The following MAGI2 variants were observed in gnomAD, a reference collection of about 807,000 sequenced individuals.
MAGI2 encodes the protein membrane-associated guanylate kinase, WW and PDZ domain-containing protein 2.
Under a neutral mutation model 133.3 loss-of-function variants are expected in MAGI2, and 35 were observed. That is an observed-to-expected ratio of 0.26 (90% CI 0.20 to 0.35). The LOEUF (loss-of-function observed/expected upper bound fraction) is 0.35, where lower values mean the gene tolerates loss of function less well. MAGI2 is among the 10% of genes least tolerant of loss of function. MAGI2 has a pLI of 1.00. For missense variants in MAGI2, 1,636 were observed against 1,863.4 expected (o/e 0.88, Z 2.25); for synonymous variants, 729 against 710.6 (o/e 1.03, Z -0.41).
At chr7:79,306,324 G>GTATATA (rs4020441) in intron 1 of MAGI2, among the ~76,000 whole-genome samples, 1 of 143,344 alleles carries the variant, frequency 7.0e-6, no homozygotes, top group South Asian at 2.2e-4. Flanking sequence ...ATATATATGT[G>GTATATA]TATATATATA....
intron 3 of MAGI2, among the ~76,000 whole-genome samples, chr7:78,612,667 AT>A (rs1219730784): frequency 1.3e-5 from 2 of 151,714 alleles, no homozygotes; most frequent in East Asian, 3.9e-4. Flanking sequence ...ATCACATTTT[AT>A]TTTTTTTAAT....
chr7:78,521,466 G>C lies in MAGI2; in HGVS notation c.718C>G (p.Pro240Ala). The C allele has an allele frequency of 6.2e-7, 1 of 1,613,900 alleles. No individual in the cohort carries two copies. The highest frequency in any genetic ancestry group is 8.5e-7 in the Non-Finnish European group (1 of 1,179,972). Reference sequence around the variant, plus strand: ...ACTACTCCATTTCCATTGACCACAGGCCTCTCTTCCTCTTCCTCCTCAGGA... The same window carrying C: ...ACTACTCCATTTCCATTGACCACAGCCCTCTCTTCCTCTTCCTCCTCAGGA... ...EPPEEEEEER[P>A]VVNGNGVVVT... Residue 240 changes from proline to alanine, a missense_variant, in exon 4 of 22, where the codon CCT becomes GCT. This residue lies in a region of MAGI2 where 165 missense variants were observed against 128.4 expected (regional missense o/e 1.28). Transcript: ENST00000354212.
At chr7:78,111,354 T>C (rs1455316038) in intron 20 of MAGI2, among the ~76,000 whole-genome samples, 1 of 152,240 alleles carries the variant, frequency 6.6e-6, no homozygotes, top group Non-Finnish European at 1.5e-5. Flanking sequence ...CTCACACTTC[T>C]AATGTATTCA....
At chr7:78,363,161 G>C (rs551197454) in intron 7 of MAGI2, among the ~76,000 whole-genome samples, 12 of 152,116 alleles carry the variant, frequency 7.9e-5, no homozygotes, top group Admixed American at 7.9e-4. Flanking sequence ...AAGGCTCAAC[G>C]CCTTTGGAAG....
At chr7:78,527,974 C>T (rs1797124591) in intron 3 of MAGI2, among the ~76,000 whole-genome samples, 2 of 140,126 alleles carry the variant, frequency 1.4e-5, no homozygotes, top group Non-Finnish European at 1.5e-5. Flanking sequence ...CTATTCCTCC[C>T]CAATATTCTC....
intron 3 of MAGI2, among the ~76,000 whole-genome samples, chr7:78,624,611 A>G (rs113503900): frequency 0.042 from 6,418 of 152,170 alleles, 186 homozygotes; most frequent in Admixed American, 0.085. Flanking sequence ...ACACATGGAC[A>G]TAGGGGAGAA....
At chr7:79,420,116 G>C (rs970330394) in intron 1 of MAGI2, among the ~76,000 whole-genome samples, 1 of 152,174 alleles carries the variant, frequency 6.6e-6, no homozygotes, top group South Asian at 2.1e-4. Context: ...TCTCTGAGTA[G>C]AAACCATGCT....
intron 1 of MAGI2, among the ~76,000 whole-genome samples, chr7:79,057,162 A>G (rs574127167): frequency 7.9e-4 from 120 of 152,314 alleles, no homozygotes; most frequent in African/African-American, 2.6e-3. Context: ...TATAAAGACT[A>G]TTTGGATTTT....
intron 2 of MAGI2, among the ~76,000 whole-genome samples, chr7:78,987,006 G>A (rs1805323975): frequency 6.6e-6 from 1 of 151,910 alleles, no homozygotes; most frequent in Non-Finnish European, 1.5e-5. Flanking sequence ...AAACAAACAT[G>A]TTCAGAGCAA....
chr7:78,243,224 TACACACACACACACACACAC>T (rs539437959), intron 10 of MAGI2, among the ~76,000 whole-genome samples: 4 of 140,818 alleles, frequency 2.8e-5, no homozygotes, highest in African/African-American at 2.7e-5. Context: ...ATGGTTCAGA[TACACACACACACACACACAC>T]ACACACACAC....
chr7:78,765,125 C>T (rs1163309360), intron 2 of MAGI2, among the ~76,000 whole-genome samples: 1 of 152,038 alleles, frequency 6.6e-6, no homozygotes, highest in Non-Finnish European at 1.5e-5. Context: ...TAATAGCAAG[C>T]ACTCAAGTGT....
chr7:78,495,773 T>A (rs1794033310), intron 5 of MAGI2, among the ~76,000 whole-genome samples: 1 of 152,232 alleles, frequency 6.6e-6, no homozygotes. Context: ...TTAAAGAAGT[T>A]TCATTACAAA....
intron 12 of MAGI2, among the ~76,000 whole-genome samples, chr7:78,194,175 T>C (rs1828498503): frequency 6.6e-6 from 1 of 152,192 alleles, no homozygotes; most frequent in Non-Finnish European, 1.5e-5. Flanking sequence ...TCCTCTAACA[T>C]GTGGAGATGA....
intron 4 of MAGI2, among the ~76,000 whole-genome samples, chr7:78,511,507 AGT>A (rs1795561742): frequency 6.8e-6 from 1 of 147,396 alleles, no homozygotes; most frequent in Non-Finnish European, 1.5e-5. Context: ...CACATTGTAT[AGT>A]GACTTTTTTT....
At chr7:79,103,312 C>T (rs1179275842) in intron 1 of MAGI2, among the ~76,000 whole-genome samples, 1 of 152,180 alleles carries the variant, frequency 6.6e-6, no homozygotes, top group Non-Finnish European at 1.5e-5. Flanking sequence ...CTGTCCTAGC[C>T]TGCTCCCTGT....
At chr7:79,010,772 T>C (rs985217388) in intron 1 of MAGI2, among the ~76,000 whole-genome samples, 7 of 152,136 alleles carry the variant, frequency 4.6e-5, no homozygotes, top group African/African-American at 1.4e-4. Context: ...TATTTAGTTA[T>C]GTGAAAAAAA....
chr7:78,560,478 T>C (rs889669354), intron 3 of MAGI2, among the ~76,000 whole-genome samples: 4 of 152,196 alleles, frequency 2.6e-5, no homozygotes, highest in Non-Finnish European at 5.9e-5. Flanking sequence ...AACGTAATCA[T>C]TGGAACACTT....
At chr7:78,350,216 CTT>C (rs1418348621) in intron 7 of MAGI2, 3 of 152,198 alleles carry the variant, frequency 2.0e-5, no homozygotes, top group South Asian at 2.1e-4. Flanking sequence ...TGCCTGATCT[CTT>C]TGTCTTTACA....
chr7:78,895,396 A>G (rs1452682493), intron 2 of MAGI2, among the ~76,000 whole-genome samples: 1 of 152,192 alleles, frequency 6.6e-6, no homozygotes, highest in East Asian at 1.9e-4. Flanking sequence ...AAAATGGACT[A>G]AAACAGCATC....
Sources: allele counts gnomAD v4.1 joint callset (sites outside exome capture counted in the v4.1 genomes callset), GRCh38; gene constraint gnomAD v4.1.1; regional missense constraint gnomAD v4.1.1; transcripts MANE v1.5; gene names NCBI Gene and HGNC (gene_info 2026-07-23, HGNC 2026-07-21).